LRRIQ1: variants seen among roughly 807,000 people sequenced by gnomAD.
LRRIQ1 encodes leucine-rich repeat- and IQ domain-containing protein 1.
In LRRIQ1, 210 loss-of-function variants were observed where a neutral mutation model predicts 211.9. The ratio of observed to expected loss-of-function variants is 0.99; its 90% CI spans 0.89 to 1.11. The LOEUF is 1.11. LRRIQ1 is among the 50% of genes most tolerant of loss of function. LRRIQ1 has a pLI of 0.00. For missense variants in LRRIQ1, 2,136 were observed against 1,939.5 expected (o/e 1.10, Z -1.90); for synonymous variants, 699 against 650.1 (o/e 1.08, Z -1.14).
At chr12:85,178,823 T>C (rs145635365) in intron 24 of LRRIQ1, among the ~76,000 whole-genome samples, 190 of 151,728 alleles carry the variant, frequency 1.3e-3, no homozygotes, top group Admixed American at 3.1e-3. Flanking sequence ...ATACAGCAAA[T>C]ATTTAGTGTG....
chr12:85,054,312 G>C (rs1193470933), intron 7 of LRRIQ1, among the ~76,000 whole-genome samples: 1 of 152,126 alleles, frequency 6.6e-6, no homozygotes, highest in Non-Finnish European at 1.5e-5. Flanking sequence ...AGGAAAAATA[G>C]TGTTGGAAGC....
chr12:85,054,513 C>A (rs1393520257), intron 7 of LRRIQ1, among the ~76,000 whole-genome samples: 2 of 152,054 alleles, frequency 1.3e-5, no homozygotes, highest in Non-Finnish European at 2.9e-5. Context: ...TTATTTTCTT[C>A]CCTTCAGTTT....
At chr12:85,114,982 G>A (rs1457683865) in intron 15 of LRRIQ1, among the ~76,000 whole-genome samples, 1 of 152,072 alleles carries the variant, frequency 6.6e-6, no homozygotes, top group East Asian at 1.9e-4. Context: ...TTCATGTCTA[G>A]CCAGTGATAA....
At chr12:85,091,784 AT>A (rs1885421978) in intron 11 of LRRIQ1, among the ~76,000 whole-genome samples, 1 of 152,158 alleles carries the variant, frequency 6.6e-6, no homozygotes, top group Admixed American at 6.5e-5. Context: ...TTCTTAAAAA[AT>A]TTGTTAAATA....
At chr12:85,111,035 AGGT>A (rs1887134698) in intron 15 of LRRIQ1, among the ~76,000 whole-genome samples, 1 of 152,138 alleles carries the variant, frequency 6.6e-6, no homozygotes, top group Admixed American at 6.6e-5. Flanking sequence ...AGGGTAATAT[AGGT>A]TAGGCTTCAT....
In LRRIQ1 at chr12:85,056,290, A is replaced by G; in HGVS notation, c.1497A>G (p.Gln499=). The change falls in exon 8 of 27, where the codon CAA becomes CAG. Residue 499 remains glutamine (Q), a synonymous_variant. Transcript: ENST00000393217. ...GATGTTCAGAAGAATTGGTCAAGCA[A>G]GAAAGAAAATATGAAAATACAGATA... The part of the protein sequence containing the change: ...KKRCSEELVK[Q]ERKYENTDNK... 1 of 1,586,378 alleles carries G rather than the reference A, an allele frequency of 6.3e-7. No individual in the cohort carries two copies. The highest frequency in any genetic ancestry group is 8.5e-7 in the Non-Finnish European group (1 of 1,173,060).
At chr12:85,042,116 T>A (rs1285477245) in intron 3 of LRRIQ1, among the ~76,000 whole-genome samples, 2 of 151,762 alleles carry the variant, frequency 1.3e-5, no homozygotes, top group Non-Finnish European at 2.9e-5. Flanking sequence ...TACAGCCTAT[T>A]TATAGCCTAA....
In LRRIQ1 at chr12:85,153,220, A is replaced by G. The variant is rs1384860476; in HGVS notation, c.4541+75A>G. ...TTACATATCATACAAAAGTAGTACA[A>G]TTATAAAACTAGATGTGAATTTACT... On this transcript the variant is annotated intron_variant, in intron 21 of 26. Coordinates refer to ENST00000393217, the MANE Select transcript of LRRIQ1 (RefSeq NM_001079910.2). The G allele has an allele frequency of 1.2e-5, 16 of 1,292,114 alleles. No homozygotes were observed. In the South Asian group the frequency reaches 2.3e-4, roughly 19 times the overall value. The allele number at this position is 1,292,114 out of a possible 1,614,324, so 80.0% of individuals were successfully genotyped here.
chr12:85,149,367 A>G (rs1011909930), intron 19 of LRRIQ1, among the ~76,000 whole-genome samples: 1 of 152,010 alleles, frequency 6.6e-6, no homozygotes, highest in Non-Finnish European at 1.5e-5. Context: ...TTTTCTGCAT[A>G]TGGCTAGCCA....
chr12:85,186,423 C>T (rs1892231486), intron 24 of LRRIQ1, among the ~76,000 whole-genome samples: 1 of 152,110 alleles, frequency 6.6e-6, no homozygotes, highest in African/African-American at 2.4e-5. Context: ...GACATTGCTT[C>T]TGTTGCCTCG....
At chr12:85,084,419 G>T (rs1217276374) in intron 11 of LRRIQ1, among the ~76,000 whole-genome samples, 1 of 151,666 alleles carries the variant, frequency 6.6e-6, no homozygotes, top group Non-Finnish European at 1.5e-5. Context: ...ATGTAGTTAG[G>T]GTACAGTTTA....
At chr12:85,157,155 A>G (rs907496034) in intron 23 of LRRIQ1, among the ~76,000 whole-genome samples, 25 of 151,926 alleles carry the variant, frequency 1.6e-4, no homozygotes, top group African/African-American at 6.0e-4. Context: ...GAGAGAGGGA[A>G]GAATATGAGG....
Position 85,137,844 on chromosome 12 carries a change from G to T in LRRIQ1, c.4210-6G>T, listed in dbSNP as rs1372374754. ...TTTGTATAACATACTTTACATTTTT[G>T]TTTAGGCAGTTTGGAAGGGCTTTAT... is the stretch of plus-strand genomic sequence containing the variant. On this transcript the variant is annotated splice_region_variant and splice_polypyrimidine_tract_variant and intron_variant, in intron 18 of 26. Coordinates refer to ENST00000393217, the MANE Select transcript of LRRIQ1 (RefSeq NM_001079910.2). The T allele has an allele frequency of 5.1e-6, 8 of 1,579,694 alleles. No homozygotes were observed. In the East Asian group the frequency reaches 1.8e-4, roughly 36 times the overall value.
chr12:85,252,642 TAA>T (rs1241246110), intron 1 of LRRIQ1, among the ~76,000 whole-genome samples: 2 of 151,754 alleles, frequency 1.3e-5, no homozygotes, highest in Non-Finnish European at 2.9e-5. Flanking sequence ...TGAAGAATAT[TAA>T]AAGAGTCAGG....
chr12:85,069,002 C>G (rs1163712467), intron 10 of LRRIQ1, among the ~76,000 whole-genome samples: 3 of 151,308 alleles, frequency 2.0e-5, no homozygotes, highest in Admixed American at 6.6e-5. Context: ...AGGTTTGTTA[C>G]ATATGTATAC....
rs748948115 is a variant in LRRIQ1, at chr12:85,057,044, C to G, written c.2251C>G (p.Pro751Ala). 5.0e-6 allele frequency: 8 copies of G among 1,608,474 alleles called. 1 individual carries two copies. In the Admixed American group the frequency reaches 5.1e-5, roughly 10 times the overall value. Reference sequence around the variant, plus strand: ...ACTAGCCTGGATAAAATCATTTAAACCTTGGCTTGAAATTTTCAAGCAAAA... The same window carrying G: ...ACTAGCCTGGATAAAATCATTTAAAGCTTGGCTTGAAATTTTCAAGCAAAA... ...RRLAWIKSFK[P>A]WLEIFKQNQQ... The change falls in exon 8 of 27, where the codon CCT becomes GCT. Residue 751 changes from proline (P) to alanine (A), a missense_variant. Physicochemically the swap from Pro to Ala is conservative, Grantham distance 27. Coordinates refer to ENST00000393217, the MANE Select transcript of LRRIQ1 (RefSeq NM_001079910.2).
rs373547571 is a variant in LRRIQ1, at chr12:85,137,875, G to A, written c.4235G>A (p.Arg1412Gln). The A allele has an allele frequency of 7.3e-5, 116 of 1,593,850 alleles. No individual in the cohort carries two copies. The highest frequency in any genetic ancestry group is 7.8e-5 in the Non-Finnish European group (91 of 1,171,816). The change falls in exon 19 of 27, where the codon CGA (arginine) becomes CAA (glutamine). Residue 1412 changes from arginine (R) to glutamine (Q), a missense_variant. Transcript: ENST00000393217. ...IQAVWKGFIL[R>Q]KKLTTALEAI... is the part of the protein sequence containing the mutation. Reference sequence around the variant, plus strand: ...GCAGTTTGGAAGGGCTTTATTTTGCGAAAGAAACTGACAACAGCTCTAGAG... The same window carrying A: ...GCAGTTTGGAAGGGCTTTATTTTGCAAAAGAAACTGACAACAGCTCTAGAG...
At chr12:85,110,250 T>A (rs1244578583) in intron 15 of LRRIQ1, among the ~76,000 whole-genome samples, 8 of 152,132 alleles carry the variant, frequency 5.3e-5, no homozygotes, top group Non-Finnish European at 8.8e-5. Flanking sequence ...CCCATAATTT[T>A]AAGACATTTT....
At chr12:85,252,701 A>G (rs1344883901) in intron 1 of LRRIQ1, among the ~76,000 whole-genome samples, 1 of 151,958 alleles carries the variant, frequency 6.6e-6, no homozygotes, top group Non-Finnish European at 1.5e-5. Context: ...TATGTTTTGA[A>G]GAGAACTCTA....
Sources: allele counts gnomAD v4.1 joint callset (sites outside exome capture counted in the v4.1 genomes callset), GRCh38; gene constraint gnomAD v4.1.1; transcripts MANE v1.5; gene names NCBI Gene and HGNC (gene_info 2026-07-23, HGNC 2026-07-21).